RBFOX1: variants seen among roughly 807,000 people sequenced by gnomAD.
RBFOX1 encodes RNA binding fox-1 homolog 1.
RBFOX1 carries 8 observed loss-of-function variants against 57.7 expected under a neutral mutation model. The ratio of observed to expected loss-of-function variants is 0.14; its 90% confidence interval spans 0.08 to 0.25. RBFOX1 has a LOEUF of 0.25. Among genes scored for constraint, RBFOX1 ranks in the 10% least tolerant of loss-of-function variants. The probability of loss-of-function intolerance (pLI) is 1.00; values close to 1 mark genes in which losing one functional copy is unlikely to be tolerated. For synonymous variants in RBFOX1, 326 were observed against 222.4 expected (o/e 1.47, Z -4.15); for missense variants, 611 against 548.5 (o/e 1.11, Z -1.14).
intron 5 of RBFOX1, among the ~76,000 whole-genome samples, chr16:7,534,094 T>TTC (rs1939469915): frequency 6.8e-6 from 1 of 147,656 alleles, no homozygotes; most frequent in Non-Finnish European, 1.5e-5. Flanking sequence ...TTCTTTTTTT[T>TTC]TTTTTTTTGG....
At chr16:7,629,414 G>A (rs913289249) in intron 10 of RBFOX1, among the ~76,000 whole-genome samples, 14 of 152,184 alleles carry the variant, frequency 9.2e-5, no homozygotes, top group Non-Finnish European at 1.5e-5. Context: ...TTCTGCGGGT[G>A]CACTTGTAAG....
At chr16:6,417,511 T>C (rs1020249193) in intron 2 of RBFOX1, among the ~76,000 whole-genome samples, 2 of 144,438 alleles carry the variant, frequency 1.4e-5, no homozygotes, top group African/African-American at 2.5e-5. Flanking sequence ...TGCCTCAGCC[T>C]CCCGAATAGC....
chr16:7,006,020 T>C (rs2093268643), intron 3 of RBFOX1, among the ~76,000 whole-genome samples: 2 of 152,184 alleles, frequency 1.3e-5, no homozygotes, highest in Admixed American at 1.3e-4. Flanking sequence ...AGCATCTTAC[T>C]GAGATACTCC....
At chr16:7,155,722 T>A (rs867237594) in intron 4 of RBFOX1, among the ~76,000 whole-genome samples, 4,269 of 94,486 alleles carry the variant, frequency 0.045, 330 homozygotes, top group African/African-American at 0.088. Flanking sequence ...AATATATATA[T>A]ATATATATAT....
chr16:7,249,387 C>A (rs1015391813), intron 4 of RBFOX1, among the ~76,000 whole-genome samples: 2 of 152,038 alleles, frequency 1.3e-5, no homozygotes, highest in South Asian at 2.1e-4. Context: ...TTTGCAGGAA[C>A]CTGGGGACAT....
At chr16:6,385,989 G>A (rs1415708443) in intron 2 of RBFOX1, among the ~76,000 whole-genome samples, 2 of 149,370 alleles carry the variant, frequency 1.3e-5, no homozygotes, top group Non-Finnish European at 3.0e-5. Flanking sequence ...AGGCTGGAGT[G>A]CAGTGGCGCG....
At chr16:7,221,016 C>T (rs1464910844) in intron 4 of RBFOX1, among the ~76,000 whole-genome samples, 1 of 152,172 alleles carries the variant, frequency 6.6e-6, no homozygotes, top group Non-Finnish European at 1.5e-5. Flanking sequence ...GCAATAAGAA[C>T]TTAGTTTATC....
intron 4 of RBFOX1, among the ~76,000 whole-genome samples, chr16:7,125,777 G>C (rs2169851): frequency 6.6e-6 from 1 of 151,742 alleles, no homozygotes; most frequent in Non-Finnish European, 1.5e-5. Context: ...GACTGCAAAC[G>C]ATTAAGGTTT....
intron 3 of RBFOX1, among the ~76,000 whole-genome samples, chr16:6,929,847 C>G (rs1482145915): frequency 6.6e-6 from 1 of 152,106 alleles, no homozygotes; most frequent in African/African-American, 2.4e-5. Context: ...AGTTAAATCT[C>G]TTTTCATCCT....
At chr16:6,562,952 C>T (rs1478576273) in intron 2 of RBFOX1, among the ~76,000 whole-genome samples, 1 of 144,436 alleles carries the variant, frequency 6.9e-6, no homozygotes, top group Non-Finnish European at 1.5e-5. Context: ...GTCCCACAGC[C>T]CTTTCCTGGG....
chr16:5,952,337 G>C (rs2059538476), intron 4 of RBFOX1, among the ~76,000 whole-genome samples: 1 of 152,090 alleles, frequency 6.6e-6, no homozygotes, highest in East Asian at 1.9e-4. Flanking sequence ...TTTTCGTAGA[G>C]ATGGGGTTTC....
At chr16:7,698,197 TGTGTG>T (rs2079429656) in intron 14 of RBFOX1, among the ~76,000 whole-genome samples, 1 of 144,766 alleles carries the variant, frequency 6.9e-6, no homozygotes, top group African/African-American at 2.6e-5. Context: ...TGTGTGTGTG[TGTGTG>T]TGTGTGTGTG....
intron 2 of RBFOX1, among the ~76,000 whole-genome samples, chr16:6,334,515 A>G (rs2083404942): frequency 6.6e-6 from 1 of 151,876 alleles, no homozygotes; most frequent in Non-Finnish European, 1.5e-5. Context: ...CTCAAAAAAA[A>G]AAAAAAAAAT....
chr16:6,189,727 A>G (rs2097130217), intron 1 of RBFOX1, among the ~76,000 whole-genome samples: 1 of 152,174 alleles, frequency 6.6e-6, no homozygotes, highest in Non-Finnish European at 1.5e-5. Flanking sequence ...TGACTCCTAG[A>G]ATTCGTACAT....
intron 4 of RBFOX1, among the ~76,000 whole-genome samples, chr16:7,332,547 G>C (rs911210825): frequency 6.6e-6 from 1 of 151,998 alleles, no homozygotes; most frequent in Non-Finnish European, 1.5e-5. Flanking sequence ...ACATTTCTCA[G>C]TTTATTTTTC....
intron 3 of RBFOX1, among the ~76,000 whole-genome samples, chr16:6,666,023 G>A (rs1321847485): frequency 6.6e-6 from 1 of 152,080 alleles, no homozygotes; most frequent in Non-Finnish European, 1.5e-5. Context: ...AGTCTCCCGA[G>A]ATCTGATGGT....
chr16:6,673,342 C>T (rs953394179), intron 3 of RBFOX1, among the ~76,000 whole-genome samples: 1 of 152,048 alleles, frequency 6.6e-6, no homozygotes, highest in African/African-American at 2.4e-5. Context: ...AATCCCAGCA[C>T]TTTGGGAGGC....
At chr16:7,120,831 A>ATACACACACACG (rs2066982530) in intron 4 of RBFOX1, among the ~76,000 whole-genome samples, 1 of 35,274 alleles carries the variant, frequency 2.8e-5, no homozygotes, top group African/African-American at 1.2e-4. Context: ...ATGTATATAT[A>ATACACACACACG]CACACACACA....
intron 4 of RBFOX1, among the ~76,000 whole-genome samples, chr16:7,458,486 G>A (rs1445247086): frequency 6.6e-6 from 1 of 152,042 alleles, no homozygotes; most frequent in Non-Finnish European, 1.5e-5. Flanking sequence ...TCTAGCTGCT[G>A]TTTTTTAAAA....
Sources: allele counts gnomAD v4.1 joint callset (sites outside exome capture counted in the v4.1 genomes callset), GRCh38; gene constraint gnomAD v4.1.1; transcripts MANE v1.5; gene names NCBI Gene and HGNC (gene_info 2026-07-23, HGNC 2026-07-21).